The following AQR variants were observed in gnomAD, a reference collection of about 807,000 sequenced individuals.
AQR encodes aquarius intron-binding spliceosomal factor.
Under a neutral mutation model 180.5 loss-of-function variants are expected in AQR, and 61 were observed. That is an observed-to-expected ratio of 0.34 (90% confidence interval 0.28 to 0.42). AQR has a LOEUF of 0.42. AQR is among the 10% of genes least tolerant of loss of function. The pLI, the probability that AQR is intolerant of heterozygous loss-of-function variation, is 1.00. For synonymous variants in AQR, 551 were observed against 588.8 expected, an observed-to-expected ratio of 0.94 and a Z score of 0.93; for missense variants, 1,281 against 1,798.3, an observed-to-expected ratio of 0.71 and a Z score of 5.20.
intron 30 of AQR, among the ~76,000 whole-genome samples, chr15:34,872,471 A>G (rs772760269): frequency 2.6e-5 from 4 of 152,188 alleles, no homozygotes; most frequent in Non-Finnish European, 5.9e-5. Flanking sequence ...GTTTCAATCA[A>G]TACTACAGTA....
At chr15:34,929,656 A>G (rs1339391218) in intron 12 of AQR, among the ~76,000 whole-genome samples, 1 of 152,186 alleles carries the variant, frequency 6.6e-6, no homozygotes, top group African/African-American at 2.4e-5. Flanking sequence ...GAGATCTCTT[A>G]AGAGATAGCT....
At chr15:34,919,054 C>CA (rs1893641972) in intron 14 of AQR, among the ~76,000 whole-genome samples, 1 of 152,050 alleles carries the variant, frequency 6.6e-6, no homozygotes, top group Admixed American at 6.5e-5. Context: ...GCCTGACCAA[C>CA]ATGGTGAAAC....
At chr15:34,893,536 G>T in intron 23 of AQR, 127 bp downstream of exon 23, 1 of 694,406 alleles carries the variant, frequency 1.4e-6, no homozygotes, top group Non-Finnish European at 2.4e-6. Context: ...TCTTGAAGAG[G>T]AACTTATTGT....
At chr15:34,864,498 T>G (rs1350384364) in intron 32 of AQR, among the ~76,000 whole-genome samples, 2 of 152,190 alleles carry the variant, frequency 1.3e-5, no homozygotes, top group Non-Finnish European at 2.9e-5. Flanking sequence ...CCCAAGGGGT[T>G]ATGCTACAGT....
At chr15:34,936,572 C>T (rs1310072458) in intron 9 of AQR, among the ~76,000 whole-genome samples, 1 of 151,976 alleles carries the variant, frequency 6.6e-6, no homozygotes, top group Non-Finnish European at 1.5e-5. Context: ...AAAAATTAGC[C>T]GGGCATGGTG....
At chr15:34,874,298 G>A (rs1892862282) in intron 29 of AQR, 2 of 315,712 alleles carry the variant, frequency 6.3e-6, no homozygotes, top group Admixed American at 4.7e-5. Context: ...ACATTTGGGG[G>A]TAACTATGAG....
At chr15:34,956,800 C>G (rs1894326682) in intron 3 of AQR, among the ~76,000 whole-genome samples, 1 of 151,214 alleles carries the variant, frequency 6.6e-6, no homozygotes, top group Non-Finnish European at 1.5e-5. Flanking sequence ...CTATCCACTT[C>G]AGTTTCCTCA....
At chr15:34,890,170 A>C (rs1182878948) in intron 24 of AQR, 45 bp downstream of exon 24, 2 of 1,489,642 alleles carry the variant, frequency 1.3e-6, no homozygotes, top group East Asian at 4.6e-5. Context: ...TGAAAAGAAA[A>C]TAAAAAATCC....
At position 34,854,040 on chromosome 15, in the gene AQR, A is replaced by C. The variant is rs1052437568; in HGVS notation, c.*2752T>G. 2.0e-5 allele frequency: 3 copies of C among 151,886 alleles called. No individual in the cohort carries two copies. Among genetic ancestry groups the C allele is most frequent in the African/African-American group, 7.3e-5 (3 of 41,324 alleles). The allele number at this position is 151,886 out of a possible 1,614,324, so 9.4% of individuals were successfully genotyped here. On this transcript the variant is annotated 3_prime_UTR_variant, in exon 35 of 35. Transcript: ENST00000156471. ...CATCTAGCAAAACATCTCAACTTTT[A>C]TTACACCAACTTTGGGAGTCTTGAT...
chr15:34,897,355 A>T (rs973206724), intron 21 of AQR, among the ~76,000 whole-genome samples: 1 of 152,200 alleles, frequency 6.6e-6, no homozygotes, highest in Non-Finnish European at 1.5e-5. Context: ...AGTACCTGAA[A>T]ATGTTTCTTT....
rs757643136 is a variant in AQR at position 34,920,427 on chromosome 15, T to A, written c.1126A>T (p.Thr376Ser). Residue 376 changes from threonine (T) to serine (S), a missense_variant, in exon 14 of 35, where the codon ACA becomes TCA. Thr to Ser is a moderately conservative substitution (Grantham distance 58, BLOSUM62 1). Coordinates refer to ENST00000156471, the MANE Select transcript of AQR (RefSeq NM_014691.3). ...VKFFGPLSSN[T>S]LHQVASYLCL... ...AGGTATGATGCCACCTGGTGGAGTG[T>A]GTTTGAACTGCAGAATAGAGAACAA... 6.2e-7 allele frequency: 1 copy of A among 1,609,960 alleles called. No individual in the cohort carries two copies. Among genetic ancestry groups the A allele is most frequent in the South Asian group, 1.1e-5 (1 of 90,648 alleles).
At chr15:34,945,801 A>C (rs930199418) in intron 5 of AQR, among the ~76,000 whole-genome samples, 76 of 152,068 alleles carry the variant, frequency 5.0e-4, no homozygotes, top group African/African-American at 1.6e-3. Flanking sequence ...CCTTTTTTTC[A>C]TTTAAAAAAG....
chr15:34,884,684 A>G lies in AQR; in HGVS notation c.2868T>C (p.Ser956=), dbSNP rs781235748. The change falls in exon 26 of 35, where the codon AGT becomes AGC. Residue 956 remains serine (S), a synonymous_variant. Coordinates refer to ENST00000156471, the MANE Select transcript of AQR (RefSeq NM_014691.3). ...AGACTTCCGTAACATCTGGCAATGTACTACCTTTATTTTTCACTTTGCTGA... is the reference window on the plus strand; with the variant it reads ...AGACTTCCGTAACATCTGGCAATGTGCTACCTTTATTTTTCACTTTGCTGA... The part of the protein sequence containing the change: ...EYISKVKNKG[S]TLPDVTEVST... The G allele has an allele frequency of 5.2e-5, 84 of 1,610,386 alleles. No homozygotes were observed. The highest frequency in any genetic ancestry group is 6.8e-5 in the Non-Finnish European group (80 of 1,179,090).
intron 15 of AQR, among the ~76,000 whole-genome samples, chr15:34,916,460 T>G (rs896339214): frequency 2.0e-5 from 3 of 151,926 alleles, no homozygotes; most frequent in Admixed American, 6.6e-5. Flanking sequence ...AAAATAAACT[T>G]AAATACAACA....
intron 17 of AQR, among the ~76,000 whole-genome samples, chr15:34,909,633 C>T (rs1043182985): frequency 5.9e-5 from 9 of 152,134 alleles, no homozygotes; most frequent in Admixed American, 2.0e-4. Context: ...TTTAAGCTTG[C>T]CTAATTTTTA....
At chr15:34,932,249 T>G in intron 11 of AQR, 69 bp downstream of exon 11, 1 of 1,323,814 alleles carries the variant, frequency 7.6e-7, no homozygotes, top group Non-Finnish European at 1.1e-6. Flanking sequence ...ATACTCCCAG[T>G]TGTGTGGCAA....
At chr15:34,903,998 T>C (rs1405107252) in intron 19 of AQR, among the ~76,000 whole-genome samples, 1 of 152,024 alleles carries the variant, frequency 6.6e-6, no homozygotes, top group Non-Finnish European at 1.5e-5. Flanking sequence ...AGTAAACAAG[T>C]AAGCAAGTTT....
At chr15:34,951,046 T>C (rs1258118855) in intron 4 of AQR, among the ~76,000 whole-genome samples, 1 of 152,246 alleles carries the variant, frequency 6.6e-6, no homozygotes, top group Non-Finnish European at 1.5e-5. Flanking sequence ...GACTCCAAAC[T>C]ACATCTCTTT....
At chr15:34,897,907 C>T (rs1893273509) in intron 20 of AQR, among the ~76,000 whole-genome samples, 1 of 152,138 alleles carries the variant, frequency 6.6e-6, no homozygotes, top group Non-Finnish European at 1.5e-5. Context: ...TTAAAAAAGT[C>T]ACCCAGTTAA....
Sources: allele counts gnomAD v4.1 joint callset (sites outside exome capture counted in the v4.1 genomes callset), GRCh38; gene constraint gnomAD v4.1.1; transcripts MANE v1.5; gene names NCBI Gene and HGNC (gene_info 2026-07-23, HGNC 2026-07-21).